Variants in DACH2 observed in about 807,000 individuals in gnomAD.
The protein encoded by DACH2 is dachshund family transcription factor 2.
A neutral mutation model predicts 35.8 loss-of-function variants in DACH2; 17 were observed. That is an observed-to-expected ratio of 0.48 (90% CI 0.33 to 0.71). The LOEUF is 0.71. DACH2 is among the 30% of genes least tolerant of loss of function. DACH2 has a pLI of 0.02. For synonymous variants in DACH2, 195 were observed against 177.3 expected (o/e 1.10, Z -0.79); for missense variants, 469 against 472.7 (o/e 0.99, Z 0.07).
intron 3 of DACH2, among the ~76,000 whole-genome samples, chrX:86,547,708 C>T (rs756206270): frequency 3.6e-5 from 4 of 111,881 alleles, no homozygotes; most frequent in African/African-American, 6.5e-5. Flanking sequence ...AGGAAGAGAA[C>T]ATACCATTAG....
intron 1 of DACH2, among the ~76,000 whole-genome samples, chrX:86,324,902 T>C (rs1336893350): frequency 9.1e-6 from 1 of 110,227 alleles, no homozygotes; most frequent in Non-Finnish European, 1.9e-5. Context: ...GCCATCAACA[T>C]ATAGGACCAG....
chrX:86,307,101 C>A (rs1248619146), intron 1 of DACH2, among the ~76,000 whole-genome samples: 2 of 111,553 alleles, frequency 1.8e-5, no homozygotes, highest in African/African-American at 3.3e-5. Context: ...TATCATTGGC[C>A]ATATATGGAG....
At chrX:86,152,051 A>G (rs1455548948) in intron 1 of DACH2, among the ~76,000 whole-genome samples, 1 of 111,789 alleles carries the variant, frequency 8.9e-6, no homozygotes, top group Non-Finnish European at 1.9e-5. Context: ...AAGAGCAGGG[A>G]GGGAAGTGCA....
intron 3 of DACH2, among the ~76,000 whole-genome samples, chrX:86,546,357 C>CTTCT (rs2038959347): frequency 4.0e-5 from 2 of 50,073 alleles, no homozygotes; most frequent in Non-Finnish European, 6.5e-5. Context: ...CTTCTTCTTC[C>CTTCT]TCTTCTTCTT....
chrX:86,776,507 T>C (rs1302223221), intron 7 of DACH2, among the ~76,000 whole-genome samples: 2 of 112,313 alleles, frequency 1.8e-5, no homozygotes, highest in Non-Finnish European at 3.8e-5. Context: ...GGGAAAGCTC[T>C]GGTTTTCCTT....
intron 1 of DACH2, among the ~76,000 whole-genome samples, chrX:86,220,115 G>A (rs113065025): frequency 0.02 from 1,954 of 95,875 alleles, 46 homozygotes; most frequent in African/African-American, 0.074. Context: ...GCAGTGAGCC[G>A]AGATCGTGCC....
chrX:86,690,380 A>G (rs2040995894), intron 4 of DACH2, among the ~76,000 whole-genome samples: 1 of 111,948 alleles, frequency 8.9e-6, no homozygotes, highest in Admixed American at 9.6e-5. Context: ...AAATTTTAGC[A>G]AATTAAAACA....
intron 3 of DACH2, among the ~76,000 whole-genome samples, chrX:86,624,834 T>C (rs905509452): frequency 9.0e-6 from 1 of 111,559 alleles, no homozygotes; most frequent in Non-Finnish European, 1.9e-5. Context: ...CCTTTTCTCA[T>C]CACCAAGATG....
intron 11 of DACH2, among the ~76,000 whole-genome samples, chrX:86,820,211 A>G (rs1310866337): frequency 2.7e-5 from 3 of 111,902 alleles, no homozygotes; most frequent in Non-Finnish European, 5.7e-5. Context: ...AAAATGAGTA[A>G]CTGTGTTTTG....
intron 3 of DACH2, among the ~76,000 whole-genome samples, chrX:86,631,253 C>A (rs1291002917): frequency 1.8e-5 from 2 of 112,009 alleles, no homozygotes; most frequent in African/African-American, 6.5e-5. Flanking sequence ...CAGTATTTTT[C>A]TGAGTAGGAT....
At chrX:86,222,933 A>G (rs2032745951) in intron 1 of DACH2, among the ~76,000 whole-genome samples, 1 of 111,351 alleles carries the variant, frequency 9.0e-6, no homozygotes, top group Non-Finnish European at 1.9e-5. Context: ...GAGGAAGAAT[A>G]TACTTCAAAA....
chrX:86,528,892 A>G (rs1369857621), intron 3 of DACH2, among the ~76,000 whole-genome samples: 1 of 112,271 alleles, frequency 8.9e-6, no homozygotes, highest in Admixed American at 9.4e-5. Flanking sequence ...AAGTCAGGGT[A>G]TTCAAGATAT....
chrX:86,247,210 G>A (rs755299532), intron 1 of DACH2, among the ~76,000 whole-genome samples: 2 of 111,251 alleles, frequency 1.8e-5, no homozygotes, highest in South Asian at 7.5e-4. Context: ...CACATGTAGA[G>A]GAACTAGAAA....
chrX:86,493,570 GTA>G (rs1404745147), intron 2 of DACH2, among the ~76,000 whole-genome samples: 1 of 111,343 alleles, frequency 9.0e-6, no homozygotes, highest in Non-Finnish European at 1.9e-5. Context: ...TCTCTCTCAT[GTA>G]TATGTTTGTG....
rs150510023 is a variant in DACH2 at position 86,204,540 on chromosome X, T to C, written c.488+55432T>C. Reference sequence around the variant, plus strand: ...TAGAACTATTACTCTAGGTACATTATACACTAAATAGACCTTTGTGAGCTG... The same window carrying C: ...TAGAACTATTACTCTAGGTACATTACACACTAAATAGACCTTTGTGAGCTG... On this transcript the variant is annotated intron_variant, in intron 1 of 11. Transcript: ENST00000373125. Among the ~76,000 whole-genome samples, 93 of 111,720 alleles carry C rather than the reference T, an allele frequency of 8.3e-4. No individual in the cohort carries two copies. In the East Asian group the frequency reaches 0.025, roughly 29 times the overall value.
intron 1 of DACH2, among the ~76,000 whole-genome samples, chrX:86,181,232 A>G (rs1439405196): frequency 9.1e-6 from 1 of 109,752 alleles, no homozygotes; most frequent in Non-Finnish European, 1.9e-5. Context: ...CATGTGCAGA[A>G]CGTGAAGGTT....
At chrX:86,437,154 AT>A (rs761895857) in intron 2 of DACH2, among the ~76,000 whole-genome samples, 2 of 110,466 alleles carry the variant, frequency 1.8e-5, no homozygotes, top group Non-Finnish European at 3.8e-5. Context: ...TTCCACACTG[AT>A]TTTTTTATTG....
chrX:86,827,420 A>G (rs2042572570), intron 11 of DACH2, among the ~76,000 whole-genome samples: 1 of 111,620 alleles, frequency 9.0e-6, no homozygotes. Context: ...GCTCATAAGC[A>G]TATTTTAGAG....
At chrX:86,383,452 G>A (rs1237764188) in intron 2 of DACH2, among the ~76,000 whole-genome samples, 15 of 104,916 alleles carry the variant, frequency 1.4e-4, no homozygotes, top group Non-Finnish European at 2.9e-4. Flanking sequence ...TCCCTATTGA[G>A]TATCCCCACT....
Sources: gnomAD v4.1 joint callset for allele counts (sites outside exome capture counted in the v4.1 genomes callset) on GRCh38, gnomAD v4.1.1 for gene constraint, MANE v1.5 for transcripts, NCBI Gene and HGNC (gene_info 2026-07-23, HGNC 2026-07-21) for gene names.